The following TYRP1 variants were observed in gnomAD, a reference collection of about 807,000 sequenced individuals.
TYRP1 encodes 5,6-dihydroxyindole-2-carboxylic acid oxidase.
Under a neutral mutation model 42.8 loss-of-function variants are expected in TYRP1, and 49 were observed. That is an observed-to-expected ratio of 1.14 (90% CI 0.91 to 1.45). The LOEUF (loss-of-function observed/expected upper bound fraction) is 1.45. TYRP1 is among the 40% of genes most tolerant of loss of function. The pLI, the probability that TYRP1 is intolerant of heterozygous loss-of-function variation, is 0.00. For missense variants in TYRP1, 848 were observed against 662.0 expected (o/e 1.28, Z -3.08); for synonymous variants, 279 against 235.4 (o/e 1.19, Z -1.69).
At position 12,707,999 on chromosome 9, in the gene TYRP1, A is replaced by G. The variant is rs769309166; in HGVS notation, c.1264A>G (p.Ile422Val). The G allele has an allele frequency of 6.2e-7, 1 of 1,610,680 alleles. No homozygotes were observed. The highest frequency in any genetic ancestry group is 8.5e-7 in the Non-Finnish European group (1 of 1,177,760). Reference sequence around the variant, plus strand: ...ACGTTGTCTTTGGAATAATTTAGATATATCCACATTTCCATTGGAAAATGC... The same window carrying G: ...ACGTTGTCTTTGGAATAATTTAGATGTATCCACATTTCCATTGGAAAATGC... ...DEWLRRYNADISTFPLENAPI... is the reference protein window; with the variant it reads ...DEWLRRYNADVSTFPLENAPI... Residue 422 changes from isoleucine to valine, a missense_variant and splice_region_variant, in exon 7 of 8, where the codon ATA becomes GTA. Coordinates refer to ENST00000388918, the MANE Select transcript of TYRP1 (RefSeq NM_000550.3).
intron 3 of TYRP1, among the ~76,000 whole-genome samples, chr9:12,696,896 T>G (rs1818087557): frequency 6.6e-6 from 1 of 152,084 alleles, no homozygotes; most frequent in Admixed American, 6.6e-5. Flanking sequence ...GGGAAAGGCG[T>G]TTAGATTCAT....
chr9:12,694,504 A>T, intron 2 of TYRP1, 123 bp downstream of exon 2: 1 of 1,286,516 alleles, frequency 7.8e-7, no homozygotes, highest in South Asian at 1.3e-5. Context: ...CTCTTTTCAT[A>T]GTTGAGGAAA....
In TYRP1 at chr9:12,709,292, A is replaced by G; in HGVS notation, c.*110A>G. 8.8e-7 allele frequency: 1 copy of G among 1,140,092 alleles called. No individual in the cohort carries two copies. 70.6% of individuals were successfully genotyped at this position (1,140,092 alleles called of 1,614,324 possible). A position where few individuals can be genotyped will look rare whatever the true frequency, so the allele number is the denominator to read the frequency against. On this transcript the variant is annotated 3_prime_UTR_variant, in exon 8 of 8. Transcript: ENST00000388918. ...CACTTTATTACCTTCTTTCTAATAC[A>G]AGCATATGTTAGCATTAAAGTTCTA...
rs139030137 is a variant in TYRP1, at chr9:12,694,429, G to A, written c.385+48G>A. The A allele has an allele frequency of 9.4e-6, 15 of 1,603,398 alleles. No individual in the cohort carries two copies. In the East Asian group the frequency reaches 1.3e-4, roughly 14 times the overall value. On this transcript the variant is annotated intron_variant, in intron 2 of 7. Transcript: ENST00000388918. ...TCATAAGTCCTGCATGAGACTCAAG[G>A]CTCTTAATAAAATCTTAAATCATTT...
Position 12,694,071 on chromosome 9 carries a change from A to T in TYRP1, c.75A>T (p.Gln25His). Reference sequence around the variant, plus strand: ...TACTTTTTCAGCAGGCCCGGGCTCAATTCCCAAGACAGTGTGCCACTGTTG... The same window carrying T: ...TACTTTTTCAGCAGGCCCGGGCTCATTTCCCAAGACAGTGTGCCACTGTTG... ...PLLLFQQARA[Q>H]FPRQCATVEA... The change falls in exon 2 of 8, where the codon CAA becomes CAT. Residue 25 changes from glutamine to histidine, a missense_variant. Coordinates refer to ENST00000388918, the MANE Select transcript of TYRP1 (RefSeq NM_000550.3). The T allele has an allele frequency of 1.2e-6, 2 of 1,613,858 alleles. No homozygotes were observed. The highest frequency in any genetic ancestry group is 8.5e-7 in the Non-Finnish European group (1 of 1,179,996).
chr9:12,706,409 A>C (rs917419170), intron 6 of TYRP1, among the ~76,000 whole-genome samples: 1 of 152,012 alleles, frequency 6.6e-6, no homozygotes, highest in South Asian at 2.1e-4. Context: ...ATTGATAGCA[A>C]GTTGTTAAAG....
rs761083683 is a variant in TYRP1 at position 12,694,075 on chromosome 9, C to T, written c.79C>T (p.Pro27Ser). 1.2e-6 allele frequency: 2 copies of T among 1,613,992 alleles called. No homozygotes were observed. Among genetic ancestry groups the T allele is most frequent in the South Asian group, 2.2e-5 (2 of 91,078 alleles). ...TTTTCAGCAGGCCCGGGCTCAATTC[C>T]CAAGACAGTGTGCCACTGTTGAGGC... ...LLFQQARAQF[P>S]RQCATVEALR... The change falls in exon 2 of 8, where the codon CCA (proline) becomes TCA (serine). Residue 27 changes from proline to serine, a missense_variant. Coordinates refer to ENST00000388918, the MANE Select transcript of TYRP1 (RefSeq NM_000550.3).
At chr9:12,704,733 T>C (rs1563856359) in intron 6 of TYRP1, 28 bp downstream of exon 6, 4 of 1,606,778 alleles carry the variant, frequency 2.5e-6, no homozygotes, top group Non-Finnish European at 3.4e-6. Context: ...GCCTTTTGCA[T>C]GCTCAGCTGG....
chr9:12,707,476 G>C (rs1225316914), intron 6 of TYRP1, among the ~76,000 whole-genome samples: 1 of 151,876 alleles, frequency 6.6e-6, no homozygotes, highest in Non-Finnish European at 1.5e-5. Flanking sequence ...ATAAAATCAG[G>C]AAATAGGATA....
intron 2 of TYRP1, 154 bp downstream of exon 2, chr9:12,694,535 GA>G: frequency 1.0e-6 from 1 of 979,116 alleles, no homozygotes; most frequent in Non-Finnish European, 1.5e-6. Flanking sequence ...GAAAGGTTAA[GA>G]AACTTGTTTA....
At chr9:12,700,671 T>C (rs1268133070) in intron 4 of TYRP1, 1 of 152,096 alleles carries the variant, frequency 6.6e-6, no homozygotes, top group Non-Finnish European at 1.5e-5. Context: ...TAAACTAGTT[T>C]CTTTACTGTC....
chr9:12,699,852 T>C (rs954438610), intron 4 of TYRP1, among the ~76,000 whole-genome samples: 1 of 152,026 alleles, frequency 6.6e-6, no homozygotes, highest in African/African-American at 2.4e-5. Context: ...ACCCTGATGA[T>C]TGGATACCAA....
intron 4 of TYRP1, 72 bp downstream of exon 4, chr9:12,698,727 G>T: frequency 7.1e-7 from 1 of 1,410,090 alleles, no homozygotes; most frequent in Admixed American, 1.8e-5. Context: ...TGCCTGAAAG[G>T]CCCTTCATTC....
At position 12,709,174 on chromosome 9, in the gene TYRP1, G is replaced by A. The variant is rs1818314112; in HGVS notation, c.1606G>A (p.Val536Met). The change falls in exon 8 of 8, where the codon GTG (valine) becomes ATG (methionine). Residue 536 changes from valine (V) to methionine (M), a missense_variant. Physicochemically the swap from Val to Met is conservative, Grantham distance 21 (BLOSUM62 1). Transcript: ENST00000388918. The part of the protein sequence containing the change: ...YEKLQNPNQS[V>M]V ...AAAACTCCAGAATCCTAATCAGTCTGTGGTCTAACAAATGCCCTACTCTCT... is the reference window on the plus strand; with the variant it reads ...AAAACTCCAGAATCCTAATCAGTCTATGGTCTAACAAATGCCCTACTCTCT... The A allele has an allele frequency of 1.2e-6, 2 of 1,612,300 alleles. No homozygotes were observed. The highest frequency in any genetic ancestry group is 2.2e-5 in the South Asian group (2 of 91,058).
chr9:12,706,888 A>C (rs1362627404), intron 6 of TYRP1, among the ~76,000 whole-genome samples: 1 of 152,016 alleles, frequency 6.6e-6, no homozygotes, highest in African/African-American at 2.4e-5. Flanking sequence ...AAATATAGAA[A>C]GCTCTTTACA....
chr9:12,698,614 A>G lies in TYRP1; in HGVS notation c.872A>G (p.Asp291Gly). 6.2e-7 allele frequency: 1 copy of G among 1,613,612 alleles called. No homozygotes were observed. Among genetic ancestry groups the G allele is most frequent in the Non-Finnish European group, 8.5e-7 (1 of 1,179,742 alleles). Reference sequence around the variant, plus strand: ...TTTTCTCAATGGCGAGTGGTCTGTGACTCCTTGGAAGATTATGATACCCTG... The same window carrying G: ...TTTTCTCAATGGCGAGTGGTCTGTGGCTCCTTGGAAGATTATGATACCCTG... Reference protein sequence around the residue: ...SVFSQWRVVCDSLEDYDTLGT... With the variant: ...SVFSQWRVVCGSLEDYDTLGT... The change falls in exon 4 of 8, where the codon GAC becomes GGC. Residue 291 changes from aspartate to glycine, a missense_variant. By Grantham distance (94) the Asp-to-Gly change is moderately conservative. Coordinates refer to ENST00000388918, the MANE Select transcript of TYRP1 (RefSeq NM_000550.3).
chr9:12,704,730 G>A (rs199524392), intron 6 of TYRP1, 25 bp downstream of exon 6: 34 of 1,607,290 alleles, frequency 2.1e-5, no homozygotes, highest in Middle Eastern at 3.3e-4. Context: ...TATGCCTTTT[G>A]CATGCTCAGC....
intron 6 of TYRP1, chr9:12,707,521 C>T (rs1818277853): frequency 6.0e-6 from 1 of 166,506 alleles, no homozygotes; most frequent in African/African-American, 2.4e-5. Context: ...AGAAGAATGT[C>T]CTAAGACAAA....
intron 6 of TYRP1, among the ~76,000 whole-genome samples, chr9:12,706,336 A>T (rs984492441): frequency 1.3e-5 from 2 of 152,032 alleles, no homozygotes; most frequent in Admixed American, 1.3e-4. Flanking sequence ...TCTTTCACCT[A>T]TGAAAGAAAG....
Sources: allele counts gnomAD v4.1 joint callset (sites outside exome capture counted in the v4.1 genomes callset), GRCh38; gene constraint gnomAD v4.1.1; transcripts MANE v1.5; gene names NCBI Gene and HGNC (gene_info 2026-07-23, HGNC 2026-07-21).